The following TSPEAR variants were observed in gnomAD, a reference collection of about 807,000 sequenced individuals.
TSPEAR encodes the protein thrombospondin type laminin G domain and EAR repeats.
A neutral mutation model predicts 71.6 loss-of-function variants in TSPEAR; 69 were observed. The observed-to-expected ratio is 0.96, with a 90% CI of 0.79 to 1.18. The LOEUF (loss-of-function observed/expected upper bound fraction) is 1.18. Among genes scored for constraint, TSPEAR ranks in the 50% most tolerant of loss-of-function variants. TSPEAR has a pLI of 0.00. For missense variants in TSPEAR, 971 were observed against 894.9 expected, an observed-to-expected ratio of 1.09 and a Z score of -1.09; for synonymous variants, 402 against 387.2, an observed-to-expected ratio of 1.04 and a Z score of -0.45.
chr21:44,609,718 TAAAC>T, intron 1 of TSPEAR, among the ~76,000 whole-genome samples: 1 of 152,280 alleles, frequency 6.6e-6, no homozygotes, highest in African/African-American at 2.4e-5. Flanking sequence ...GGGAAAAACA[TAAAC>T]AAAAACAAAA....
At chr21:44,574,550 T>TGCCAGCCGGCTTGCTGCACCTCCTCC (rs1978316062) in intron 1 of TSPEAR, 1 of 1,558,718 alleles carries the variant, frequency 6.4e-7, no homozygotes, top group African/African-American at 1.6e-5. Flanking sequence ...GCACCTCCTC[T>TGCCAGCCGGCTTGCTGCACCTCCTCC]CCCTGCCAGC....
intron 1 of TSPEAR, among the ~76,000 whole-genome samples, chr21:44,602,508 GGCCCGCT>G (rs35569137): frequency 0.83 from 126,131 of 151,950 alleles, 54,132 homozygotes; most frequent in Non-Finnish European, 0.94. Context: ...GCCATCCTGA[GGCCCGCT>G]GGCCGGGCTG....
At position 44,642,430 on chromosome 21, in the gene TSPEAR, A is replaced by G. The variant is rs1275029907; in HGVS notation, c.82+69003T>C. Among the ~76,000 whole-genome samples the G allele has an allele frequency of 6.6e-6, 1 of 152,246 alleles. No individual in the cohort carries two copies. The highest frequency in any genetic ancestry group is 2.4e-5 in the African/African-American group (1 of 41,456). On this transcript the variant is annotated intron_variant, in intron 1 of 11. Coordinates refer to ENST00000323084, the MANE Select transcript of TSPEAR (RefSeq NM_144991.3). This position sits in a 1 kb window ranked among gnomAD's most constrained non-coding sequence, Gnocchi z 4.1. ...AACCAGGAATAACAGCGAGAGAGAT[A>G]GGACTGTAGACCAACATCATTTAAA...
At chr21:44,625,648 G>A (rs1299992355) in intron 1 of TSPEAR, among the ~76,000 whole-genome samples, 1 of 152,240 alleles carries the variant, frequency 6.6e-6, no homozygotes, top group African/African-American at 2.4e-5. Context: ...GCGGGGAGCG[G>A]CATGGCCTCT....
intron 3 of TSPEAR, 37 bp downstream of exon 3, chr21:44,533,648 A>AG: frequency 6.5e-7 from 1 of 1,538,824 alleles, no homozygotes; most frequent in South Asian, 1.1e-5. Flanking sequence ...CAGGACTCTG[A>AG]GGACTGCAGG....
intron 1 of TSPEAR, chr21:44,657,907 T>C (rs1985246535): frequency 1.3e-6 from 2 of 1,485,244 alleles, no homozygotes; most frequent in African/African-American, 1.4e-5. Context: ...GACCCAGGTA[T>C]AAAGACCACC....
At chr21:44,606,278 A>G (rs1981309028) in intron 1 of TSPEAR, among the ~76,000 whole-genome samples, 1 of 152,180 alleles carries the variant, frequency 6.6e-6, no homozygotes, top group Admixed American at 6.5e-5. Flanking sequence ...TAAATGCTCA[A>G]CATCACTAGT....
chr21:44,582,589 C>T (rs1555925280), intron 1 of TSPEAR, among the ~76,000 whole-genome samples: 1 of 150,654 alleles, frequency 6.6e-6, no homozygotes, highest in Non-Finnish European at 1.5e-5. Context: ...TCGCTCCCTT[C>T]TCCTGGTGTC....
At chr21:44,512,689 G>A (rs587768585) in intron 9 of TSPEAR, among the ~76,000 whole-genome samples, 45 of 152,292 alleles carry the variant, frequency 3.0e-4, no homozygotes, top group African/African-American at 9.1e-4. Context: ...TTGTGCCCAC[G>A]TTTCATGGGG....
At chr21:44,579,900 G>T (rs1978787701) in intron 1 of TSPEAR, 1 of 1,613,028 alleles carries the variant, frequency 6.2e-7, no homozygotes, top group Non-Finnish European at 8.5e-7. Context: ...CTGCATATGG[G>T]GCGGCAGAGG....
intron 2 of TSPEAR, among the ~76,000 whole-genome samples, chr21:44,557,199 T>C (rs1167492846): frequency 6.6e-6 from 1 of 152,158 alleles, no homozygotes; most frequent in Non-Finnish European, 1.5e-5. Context: ...ATGAGAGGGT[T>C]CCTCACATAA....
At chr21:44,533,579 C>G in intron 3 of TSPEAR, 106 bp downstream of exon 3, 1 of 981,708 alleles carries the variant, frequency 1.0e-6, no homozygotes, top group Non-Finnish European at 1.5e-6. Flanking sequence ...CAGCTCCTGC[C>G]CCAGGACAGC....
chr21:44,528,023 G>A (rs1199452750), intron 6 of TSPEAR, among the ~76,000 whole-genome samples: 2 of 152,080 alleles, frequency 1.3e-5, no homozygotes, highest in Non-Finnish European at 2.9e-5. Context: ...GGGCAGAGGC[G>A]GCAGCCGGGC....
At chr21:44,549,569 TA>T (rs1214193977) in intron 2 of TSPEAR, among the ~76,000 whole-genome samples, 1 of 152,214 alleles carries the variant, frequency 6.6e-6, no homozygotes, top group Non-Finnish European at 1.5e-5. Flanking sequence ...TGTGGAGAAG[TA>T]AAGACTCAGG....
chr21:44,670,220 G>C (rs587766583), intron 1 of TSPEAR, among the ~76,000 whole-genome samples: 23 of 152,326 alleles, frequency 1.5e-4, no homozygotes, highest in African/African-American at 5.3e-4. Context: ...TGATGTTCTA[G>C]TTTCTGTGTC....
chr21:44,658,244 T>C, intron 1 of TSPEAR: 1 of 1,613,988 alleles, frequency 6.2e-7, no homozygotes, highest in Non-Finnish European at 8.5e-7. Flanking sequence ...CAGACCCATC[T>C]CCTGCAGCAC....
At chr21:44,501,316 C>G (rs1283393365) in intron 11 of TSPEAR, among the ~76,000 whole-genome samples, 1 of 151,900 alleles carries the variant, frequency 6.6e-6, no homozygotes, top group African/African-American at 2.4e-5. Context: ...CAGGCATGGG[C>G]TAGGCGCAGT....
chr21:44,647,565 C>G, intron 1 of TSPEAR: 1 of 632,698 alleles, frequency 1.6e-6, no homozygotes, highest in Non-Finnish European at 2.8e-6. Context: ...CTGTGGCTTT[C>G]TGGAGCCCCC....
chr21:44,547,383 G>A (rs145109317), intron 2 of TSPEAR, among the ~76,000 whole-genome samples: 50 of 152,076 alleles, frequency 3.3e-4, no homozygotes, highest in African/African-American at 1.2e-3. Flanking sequence ...GTCCAATTCT[G>A]GGCTTCCTCA....
Sources: allele counts gnomAD v4.1 joint callset (sites outside exome capture counted in the v4.1 genomes callset), GRCh38; gene constraint gnomAD v4.1.1; non-coding constraint Gnocchi (gnomAD v3.1); transcripts MANE v1.5; gene names NCBI Gene and HGNC (gene_info 2026-07-23, HGNC 2026-07-21).